Variants in STXBP4 observed in about 807,000 individuals in gnomAD.
The protein encoded by STXBP4 is syntaxin binding protein 4.
STXBP4 carries 55 observed loss-of-function variants against 76.1 expected under a neutral mutation model. The observed-to-expected ratio is 0.72, with a 90% CI of 0.58 to 0.91. The LOEUF (loss-of-function observed/expected upper bound fraction) is 0.91, where lower values mean the gene tolerates loss of function less well. Among genes scored for constraint, STXBP4 ranks in the 40% least tolerant of loss-of-function variants. The probability of loss-of-function intolerance (pLI) is 0.00; values close to 1 mark genes in which losing one functional copy is unlikely to be tolerated. For synonymous variants in STXBP4, 201 were observed against 220.2 expected (o/e 0.91, Z 0.77); for missense variants, 618 against 636.9 (o/e 0.97, Z 0.32).
intron 13 of STXBP4, among the ~76,000 whole-genome samples, chr17:55,075,598 G>C (rs777106140): frequency 6.6e-6 from 1 of 152,134 alleles, no homozygotes; most frequent in Admixed American, 6.6e-5. Flanking sequence ...GCCTACTTGT[G>C]CTTGAAAGTG....
At chr17:55,199,213 C>T in the STXBP4 span, among the ~76,000 whole-genome samples, 3 of 152,206 alleles carry the variant, frequency 2.0e-5, no homozygotes, top group Non-Finnish European at 4.4e-5. Flanking sequence ...GTCCAATTAG[C>T]ATTTTTTGCT....
chr17:55,145,575 G>A (rs2080143177), intron 17 of STXBP4, among the ~76,000 whole-genome samples: 1 of 152,170 alleles, frequency 6.6e-6, no homozygotes, highest in Admixed American at 6.5e-5. Flanking sequence ...CCATCCACAT[G>A]TCCATCACAC....
At chr17:55,105,527 G>A (rs1160355599) in intron 16 of STXBP4, among the ~76,000 whole-genome samples, 2 of 149,920 alleles carry the variant, frequency 1.3e-5, no homozygotes, top group African/African-American at 2.5e-5. Flanking sequence ...GAGTGCAGTG[G>A]CGCAATCTCA....
intron 10 of STXBP4, among the ~76,000 whole-genome samples, chr17:55,039,347 T>TA (rs11463240): frequency 0.77 from 114,915 of 149,238 alleles, 44,608 homozygotes; most frequent in East Asian, 0.9. Context: ...GTAGTCTACT[T>TA]AAAAAAAAAA....
At chr17:55,014,336 A>T (rs1262359930) in intron 8 of STXBP4, among the ~76,000 whole-genome samples, 3 of 152,266 alleles carry the variant, frequency 2.0e-5, no homozygotes, top group East Asian at 3.9e-4. Flanking sequence ...TCAGGTGTGT[A>T]ATGGCCCCTG....
intron 12 of STXBP4, among the ~76,000 whole-genome samples, chr17:55,067,753 A>G (rs1424094890): frequency 6.6e-6 from 1 of 152,122 alleles, no homozygotes; most frequent in African/African-American, 2.4e-5. Flanking sequence ...TTTTCATAGT[A>G]CCCAAGCATG....
chr17:55,195,269 A>G, the STXBP4 span, among the ~76,000 whole-genome samples: 1 of 152,120 alleles, frequency 6.6e-6, no homozygotes, highest in African/African-American at 2.4e-5. Flanking sequence ...CAGTCCTTCC[A>G]GTTCACCTTC....
At chr17:54,993,070 A>G (rs2077744189) in intron 4 of STXBP4, among the ~76,000 whole-genome samples, 1 of 152,136 alleles carries the variant, frequency 6.6e-6, no homozygotes, top group South Asian at 2.1e-4. Flanking sequence ...GATGAAAACT[A>G]TTTGGAGTTA....
chr17:55,207,332 C>A, the STXBP4 span, among the ~76,000 whole-genome samples: 1 of 152,230 alleles, frequency 6.6e-6, no homozygotes, highest in African/African-American at 2.4e-5. Flanking sequence ...ACACTCGAGG[C>A]TCCCCCATAT....
At chr17:55,114,176 G>A (rs1328479158) in intron 16 of STXBP4, among the ~76,000 whole-genome samples, 1 of 151,854 alleles carries the variant, frequency 6.6e-6, no homozygotes, top group Non-Finnish European at 1.5e-5. Context: ...TTGATGTCCT[G>A]TAGTTCTGTC....
chr17:55,188,922 A>G, the STXBP4 span, among the ~76,000 whole-genome samples: 3 of 152,214 alleles, frequency 2.0e-5, no homozygotes, highest in Non-Finnish European at 4.4e-5. Flanking sequence ...CTGTACCCAG[A>G]CATTATCCGT....
chr17:55,176,422 G>A (rs2145222384), downstream of STXBP4, among the ~76,000 whole-genome samples: 1 of 152,318 alleles, frequency 6.6e-6, no homozygotes, highest in Non-Finnish European at 1.5e-5. Context: ...ATGCTGTGGG[G>A]TTCAGTGTAA....
At chr17:55,070,715 GA>G (rs1036437188) in intron 12 of STXBP4, among the ~76,000 whole-genome samples, 2 of 151,402 alleles carry the variant, frequency 1.3e-5, no homozygotes, top group Non-Finnish European at 2.9e-5. Flanking sequence ...CCCTTTCCAC[GA>G]CCTTTTTTTA....
the STXBP4 span, among the ~76,000 whole-genome samples, chr17:55,189,675 GA>G: frequency 6.6e-6 from 1 of 152,166 alleles, no homozygotes; most frequent in African/African-American, 2.4e-5. Context: ...ATTAAATTTG[GA>G]ATATCAGTCC....
intron 4 of STXBP4, among the ~76,000 whole-genome samples, chr17:54,998,128 T>C (rs1031308554): frequency 1.3e-5 from 2 of 152,218 alleles, no homozygotes; most frequent in African/African-American, 4.8e-5. Flanking sequence ...TAATACCTGT[T>C]GTTATTTAGG....
chr17:54,991,052 A>T, intron 4 of STXBP4, 95 bp downstream of exon 4: 1 of 1,333,458 alleles, frequency 7.5e-7, no homozygotes. Context: ...ATTTATATCC[A>T]CTGTGACCAT....
chr17:55,111,606 C>T (rs1055062186), intron 16 of STXBP4, among the ~76,000 whole-genome samples: 1 of 152,116 alleles, frequency 6.6e-6, no homozygotes, highest in Non-Finnish European at 1.5e-5. Context: ...GTGTGCAGCA[C>T]CTCCCCCAAC....
intron 17 of STXBP4, among the ~76,000 whole-genome samples, chr17:55,158,865 C>T (rs1371294185): frequency 1.3e-5 from 2 of 152,170 alleles, no homozygotes; most frequent in African/African-American, 4.8e-5. Context: ...AGACCATGGG[C>T]ACAGATTGGA....
rs751410423 is a variant in STXBP4 at position 55,043,269 on chromosome 17, A to G, written c.889A>G (p.Met297Val). ...TTGTGATTCTTCAGAAGCAGATGAAATGGAAAGGCTCAAGTGTGAAAGAGA... is the reference window on the plus strand; with the variant it reads ...TTGTGATTCTTCAGAAGCAGATGAAGTGGAAAGGCTCAAGTGTGAAAGAGA... ...LPCDSSEADE[M>V]ERLKCERDDA... The change falls in exon 11 of 18, where the codon ATG becomes GTG. Residue 297 changes from methionine (M) to valine (V), a missense_variant. Transcript: ENST00000376352. The G allele has an allele frequency of 1.3e-6, 2 of 1,536,794 alleles. No individual in the cohort carries two copies. The highest frequency in any genetic ancestry group is 1.7e-6 in the Non-Finnish European group (2 of 1,143,942).
Sources: allele counts gnomAD v4.1 joint callset (sites outside exome capture counted in the v4.1 genomes callset), GRCh38; gene constraint gnomAD v4.1.1; transcripts MANE v1.5; gene names NCBI Gene and HGNC (gene_info 2026-07-23, HGNC 2026-07-21).